Variants in EFHD1 observed in about 807,000 individuals in gnomAD.
EFHD1 encodes EF-hand domain-containing protein D1.
In EFHD1, 10 loss-of-function variants were observed where a neutral mutation model predicts 17.2. The observed-to-expected ratio is 0.58, with a 90% CI of 0.36 to 0.99. The LOEUF is 0.99. EFHD1 is among the 50% of genes least tolerant of loss of function. The pLI is 0.01. For missense variants in EFHD1, 310 were observed against 327.5 expected (o/e 0.95, Z 0.41); for synonymous variants, 153 against 142.0 (o/e 1.08, Z -0.55).
In EFHD1 at chr2:232,681,577, C is replaced by A. The variant is rs775173482; in HGVS notation, c.586-8C>A. ...CTCGTTTGGTCTATGTCTGCTATTT[C>A]TCTGCAGGTCCAAGCCTTGTCATCG... On this transcript the variant is annotated splice_region_variant and splice_polypyrimidine_tract_variant and intron_variant, in intron 3 of 3. Coordinates refer to ENST00000264059, the MANE Select transcript of EFHD1 (RefSeq NM_025202.4). 6 of 1,613,608 alleles carry A rather than the reference C, an allele frequency of 3.7e-6. No individual in the cohort carries two copies. Among genetic ancestry groups the A allele is most frequent in the Non-Finnish European group, 5.1e-6 (6 of 1,179,738 alleles).
At chr2:232,632,451 G>C (rs922393526), upstream of EFHD1, among the ~76,000 whole-genome samples, 3 of 152,172 alleles carry the variant, frequency 2.0e-5, no homozygotes, top group Admixed American at 6.5e-5. Context: ...TCTCAAGTGG[G>C]GACAGACCCG....
In EFHD1 at chr2:232,613,631, CAT is replaced by C. The variant is rs1248966954; in HGVS notation, c.14+7462_14+7463del. On this transcript the variant is annotated intron_variant, in intron 1 of 3. Transcript: ENST00000409613. ...ACACACACACACACACACACACACA[CAT>C]ATACACACACATACACACACACACA... 1.7e-4 allele frequency among the ~76,000 whole-genome samples: 24 copies of C among 137,816 alleles called. No individual in the cohort carries two copies. In the East Asian group the frequency reaches 2.1e-3, roughly 12 times the overall value. The allele number at this position is 137,816 out of a possible 152,430, so 90.4% of individuals were successfully genotyped here. A position where few individuals can be genotyped will look rare whatever the true frequency, so the allele number is the denominator to read the frequency against.
intron 1 of EFHD1, among the ~76,000 whole-genome samples, chr2:232,657,899 CTTTTTTTTTT>C (rs1194396166): frequency 9.9e-6 from 1 of 100,660 alleles, no homozygotes; most frequent in Admixed American, 1.3e-4. Context: ...TCTTTCTTTT[CTTTTTTTTTT>C]TTTTTTTTTG....
chr2:232,672,359 T>G lies in EFHD1; in HGVS notation c.501T>G (p.Ser167Arg). Residue 167 changes from serine to arginine, a missense_variant, in exon 3 of 4, where the codon AGT becomes AGG. By Grantham distance (110) the Ser-to-Arg change is moderately radical. Transcript: ENST00000264059. Reference protein sequence around the residue: ...KAAAGELQEDSGLMALAKLSE... With the variant: ...KAAAGELQEDRGLMALAKLSE... ...CGGCAGGGGAGCTGCAGGAGGACAG[T>G]GGGCTGATGGCGCTGGCAAAGCTTT... 3 of 1,614,120 alleles carry G rather than the reference T, an allele frequency of 1.9e-6. No individual in the cohort carries two copies. The highest frequency in any genetic ancestry group is 2.5e-6 in the Non-Finnish European group (3 of 1,180,002).
intron 1 of EFHD1, among the ~76,000 whole-genome samples, chr2:232,655,256 G>A (rs768293352): frequency 5.3e-5 from 8 of 152,000 alleles, no homozygotes; most frequent in Non-Finnish European, 8.8e-5. Context: ...CTGGGCTCAA[G>A]CAGTCCTCCT....
chr2:232,677,207 T>TACACACACACACACACACACAC, intron 3 of EFHD1, among the ~76,000 whole-genome samples: 1 of 131,364 alleles, frequency 7.6e-6, no homozygotes, highest in African/African-American at 3.0e-5. Flanking sequence ...ACCCCATCTC[T>TACACACACACACACACACACAC]ACACACACAC....
In EFHD1 at chr2:232,662,944, C is replaced by T. The variant is rs141342171; in HGVS notation, c.445C>T (p.Arg149Trp). The T allele has an allele frequency of 5.9e-5, 94 of 1,581,478 alleles. No individual in the cohort carries two copies. Among genetic ancestry groups the T allele is most frequent in the African/African-American group, 2.9e-4 (21 of 72,738 alleles). ...DEDFDGKLSF[R>W]EFLLIFHKAA... is the part of the protein sequence containing the mutation. ...GGACTTCGATGGCAAGCTCAGCTTCCGGGAGGTACCTGCCTGCTGTGGCCC... is the reference window on the plus strand; with the variant it reads ...GGACTTCGATGGCAAGCTCAGCTTCTGGGAGGTACCTGCCTGCTGTGGCCC... Residue 149 changes from arginine (R) to tryptophan (W), a missense_variant, in exon 2 of 4, where the codon CGG becomes TGG. Transcript: ENST00000264059.
intron 1 of EFHD1, among the ~76,000 whole-genome samples, chr2:232,612,531 C>G (rs2106181711): frequency 6.6e-6 from 1 of 152,188 alleles, no homozygotes; most frequent in Admixed American, 6.5e-5. Flanking sequence ...CGGACCCCAT[C>G]ATCAGACATA....
At chr2:232,616,220 G>A (rs762458646) in intron 1 of EFHD1, among the ~76,000 whole-genome samples, 18 of 152,168 alleles carry the variant, frequency 1.2e-4, no homozygotes, top group Admixed American at 3.3e-4. Context: ...TCTGACACCT[G>A]AGACAACGTG....
Position 232,642,785 on chromosome 2 carries a change from G to A in EFHD1, c.302+8779G>A, listed in dbSNP as rs142724605. ...CCGAGGGTCACCTCCAGCTGTTCCC[G>A]AGAGTCACCTCCAGCTGTTCCCGAG... On this transcript the variant is annotated intron_variant, in intron 1 of 3. Transcript: ENST00000264059. 8.9e-4 allele frequency among the ~76,000 whole-genome samples: 135 copies of A among 152,136 alleles called. 1 individual carries two copies. The Middle Eastern group carries it at 0.02, about 23-fold the overall frequency.
chr2:232,641,008 G>A (rs889012863), intron 1 of EFHD1, among the ~76,000 whole-genome samples: 4 of 152,154 alleles, frequency 2.6e-5, no homozygotes, highest in Admixed American at 2.6e-4. Flanking sequence ...TGCAGCCATC[G>A]GGAAGCAAGA....
intron 3 of EFHD1, among the ~76,000 whole-genome samples, chr2:232,679,909 T>C (rs1695245795): frequency 6.6e-6 from 1 of 152,044 alleles, no homozygotes; most frequent in South Asian, 2.1e-4. Context: ...AATGAGAGCT[T>C]CCAGTTCATG....
intron 3 of EFHD1, among the ~76,000 whole-genome samples, chr2:232,678,730 C>T (rs1450955658): frequency 1.3e-5 from 2 of 152,206 alleles, no homozygotes; most frequent in African/African-American, 2.4e-5. Flanking sequence ...TTGCAGTGAG[C>T]TGTGATCGCA....
At chr2:232,666,910 C>T (rs898953914) in intron 2 of EFHD1, among the ~76,000 whole-genome samples, 1 of 152,332 alleles carries the variant, frequency 6.6e-6, no homozygotes, top group East Asian at 1.9e-4. Flanking sequence ...CAGTCTACTA[C>T]ACAAAGCTAG....
At chr2:232,642,365 C>A (rs1219884117) in intron 1 of EFHD1, among the ~76,000 whole-genome samples, 4 of 111,188 alleles carry the variant, frequency 3.6e-5, no homozygotes, top group East Asian at 2.5e-4. Context: ...CAGAGTGAGA[C>A]TCTGTCTCAA....
In EFHD1 at chr2:232,661,152, A is replaced by C. The variant is rs527339029; in HGVS notation, c.303-1650A>C. ...GAAAGAACATGACTCTGTCTCAAAA[A>C]AAAAACAAAAACAAAAAAACAAAAC... On this transcript the variant is annotated intron_variant, in intron 1 of 3. Transcript: ENST00000264059. Among the ~76,000 whole-genome samples the C allele has an allele frequency of 1.3e-4, 20 of 150,762 alleles. No homozygotes were observed. The East Asian group carries it at 3.3e-3, about 25-fold the overall frequency.
intron 3 of EFHD1, among the ~76,000 whole-genome samples, chr2:232,673,697 T>TA (rs1695119196): frequency 6.6e-6 from 1 of 152,000 alleles, no homozygotes; most frequent in African/African-American, 2.4e-5. Context: ...AAGGCACCCT[T>TA]ACATGCTTTT....
chr2:232,631,358 T>C (rs1425601115), upstream of EFHD1, among the ~76,000 whole-genome samples: 3 of 151,830 alleles, frequency 2.0e-5, no homozygotes, highest in East Asian at 5.8e-4. Flanking sequence ...TAGAGTGCAG[T>C]GGCATGATCA....
chr2:232,631,259 A>G (rs1053401170), upstream of EFHD1, among the ~76,000 whole-genome samples: 19 of 151,108 alleles, frequency 1.3e-4, no homozygotes, highest in African/African-American at 4.4e-4. Context: ...ACTCATGCAA[A>G]GTTTCTCTCT....
Sources: gnomAD v4.1 joint callset for allele counts (sites outside exome capture counted in the v4.1 genomes callset) on GRCh38, gnomAD v4.1.1 for gene constraint, MANE v1.5 for transcripts, NCBI Gene and HGNC (gene_info 2026-07-23, HGNC 2026-07-21) for gene names.